COL27A1: variants seen among roughly 807,000 people sequenced by gnomAD.
The protein encoded by COL27A1 is collagen alpha-1(XXVII) chain.
Under a neutral mutation model 251.3 loss-of-function variants are expected in COL27A1, and 106 were observed. The observed-to-expected ratio is 0.42, with a 90% CI of 0.36 to 0.50. The LOEUF is 0.50. Ranked by LOEUF, COL27A1 falls within the 20% of genes least tolerant of loss-of-function variation. COL27A1 has a pLI of 0.00. For synonymous variants in COL27A1, 1,000 were observed against 986.3 expected (o/e 1.01, Z -0.26); for missense variants, 2,325 against 2,522.8 (o/e 0.92, Z 1.68).
chr9:114,203,334 A>G (rs1325541116), intron 7 of COL27A1, among the ~76,000 whole-genome samples: 1 of 152,190 alleles, frequency 6.6e-6, no homozygotes, highest in East Asian at 1.9e-4. Flanking sequence ...TCCAATGCCA[A>G]ATACTGCGCT....
intron 24 of COL27A1, among the ~76,000 whole-genome samples, chr9:114,247,156 TA>T (rs1833196775): frequency 6.6e-6 from 1 of 152,228 alleles, no homozygotes; most frequent in African/African-American, 2.4e-5. Flanking sequence ...TAAAATATAA[TA>T]TATTCATATA....
intron 7 of COL27A1, among the ~76,000 whole-genome samples, chr9:114,197,281 C>G (rs1233778243): frequency 1.3e-5 from 2 of 152,116 alleles, no homozygotes; most frequent in African/African-American, 4.8e-5. Context: ...CTGTTCTTGC[C>G]TTGAGAGCCC....
intron 17 of COL27A1, 56 bp from the exon 18 acceptor site, chr9:114,236,925 T>G (rs1588727765): frequency 6.4e-7 from 1 of 1,560,808 alleles, no homozygotes; most frequent in Non-Finnish European, 8.8e-7. Flanking sequence ...TGGGCGGCTG[T>G]TCACCTGGCC....
intron 17 of COL27A1, among the ~76,000 whole-genome samples, chr9:114,235,856 G>A (rs1485920518): frequency 2.0e-5 from 3 of 151,856 alleles, no homozygotes; most frequent in African/African-American, 7.3e-5. Flanking sequence ...CTTATTTCTG[G>A]GCCCCAGCCT....
intron 7 of COL27A1, among the ~76,000 whole-genome samples, chr9:114,199,627 C>T (rs1353382128): frequency 6.6e-6 from 1 of 152,198 alleles, no homozygotes; most frequent in Non-Finnish European, 1.5e-5. Context: ...TTCAAGAACG[C>T]TCCCCAGCAC....
intron 53 of COL27A1, 45 bp downstream of exon 53, chr9:114,301,364 G>C (rs201404226): frequency 1.1e-5 from 18 of 1,612,226 alleles, no homozygotes; most frequent in South Asian, 3.3e-5. Flanking sequence ...CTGCAGGGGC[G>C]GGGGAGGGGT....
Position 114,290,140 on chromosome 9 carries a change from C to A in COL27A1, c.4260+29C>A. ...AGTGACTACAGCTGCTGTTTCCAGC[C>A]AACCTCCCTGCCCGCCCCCCACACC... is the stretch of plus-strand genomic sequence containing the variant. On this transcript the variant is annotated intron_variant, in intron 46 of 60. Transcript: ENST00000356083. This position sits in a 1 kb window ranked among gnomAD's most constrained non-coding sequence, Gnocchi z 4.6. 6.2e-7 allele frequency: 1 copy of A among 1,610,500 alleles called. No individual in the cohort carries two copies. Among genetic ancestry groups the A allele is most frequent in the South Asian group, 1.1e-5 (1 of 90,932 alleles).
chr9:114,309,785 G>A (rs554310801), intron 60 of COL27A1, among the ~76,000 whole-genome samples: 1 of 152,156 alleles, frequency 6.6e-6, no homozygotes, highest in Non-Finnish European at 1.5e-5. Context: ...TCCCACCCTA[G>A]TCAGGCTAAT....
At chr9:114,246,028 G>A in intron 24 of COL27A1, 118 bp downstream of exon 24, 1 of 880,636 alleles carries the variant, frequency 1.1e-6, no homozygotes, top group Non-Finnish European at 1.8e-6. Flanking sequence ...AACAACTCCA[G>A]AGGTAGGTTC....
At chr9:114,236,611 C>A (rs748631392) in intron 17 of COL27A1, among the ~76,000 whole-genome samples, 1 of 152,168 alleles carries the variant, frequency 6.6e-6, no homozygotes, top group African/African-American at 2.4e-5. Flanking sequence ...GCTGGCCTGT[C>A]CTGACCCAGC....
chr9:114,301,387 T>G (rs1020311920), intron 53 of COL27A1, 58 bp from the exon 54 acceptor site: 2 of 1,612,018 alleles, frequency 1.2e-6, no homozygotes, highest in Non-Finnish European at 1.7e-6. Context: ...GCTCCCAGAG[T>G]TGGGCCATGG....
At chr9:114,232,169 G>A (rs1277594917) in intron 16 of COL27A1, among the ~76,000 whole-genome samples, 5 of 152,172 alleles carry the variant, frequency 3.3e-5, no homozygotes, top group Non-Finnish European at 5.9e-5. Context: ...CCAGCATCTG[G>A]GATTTGAAGG....
chr9:114,216,832 T>A (rs1830742854), intron 12 of COL27A1, among the ~76,000 whole-genome samples: 1 of 152,002 alleles, frequency 6.6e-6, no homozygotes, highest in Non-Finnish European at 1.5e-5. Flanking sequence ...GCAGAACCAG[T>A]CCTCAGCATC....
chr9:114,283,823 C>T, intron 40 of COL27A1, 61 bp downstream of exon 40: 1 of 1,545,458 alleles, frequency 6.5e-7, no homozygotes, highest in Admixed American at 1.7e-5. Context: ...GAAACACAGG[C>T]CCATGCCAGC....
chr9:114,231,119 C>G lies in COL27A1; in HGVS notation c.2507C>G (p.Pro836Arg). The G allele has an allele frequency of 6.2e-7, 1 of 1,613,462 alleles. No individual in the cohort carries two copies. ...TTGGGTCCGATTGGCTACCCGGGAC[C>G]CAAGGGCATGAAGGTAAGCAAGGGA... is the stretch of plus-strand genomic sequence containing the variant. ...GVLGPIGYPG[P>R]KGMKGLMGSV... Residue 836 changes from proline to arginine, a missense_variant, in exon 15 of 61, where the codon CCC becomes CGC. Pro to Arg is a moderately radical substitution (Grantham distance 103, BLOSUM62 -2). Around this residue, in one of 4 missense-constraint regions of COL27A1, gnomAD observed 1,183 missense variants for 1,144.1 expected, o/e 1.03. Transcript: ENST00000356083.
rs1829489767 is a variant in COL27A1, at chr9:114,312,186, T to C, written c.*1491T>C. ...TTTGTGTATTTCTCTCCTAAAGTTG[T>C]GTCTCTTTGGGAATTGGATTTGATT... On this transcript the variant is annotated 3_prime_UTR_variant, in exon 61 of 61. Transcript: ENST00000356083. 6.6e-6 allele frequency: 1 copy of C among 152,206 alleles called. No homozygotes were observed. The highest frequency in any genetic ancestry group is 2.4e-5 in the African/African-American group (1 of 41,454). 9.4% of individuals were successfully genotyped at this position (152,206 alleles called of 1,614,324 possible).
At chr9:114,171,863 C>T (rs754245771) in intron 3 of COL27A1, among the ~76,000 whole-genome samples, 1 of 152,140 alleles carries the variant, frequency 6.6e-6, no homozygotes. Context: ...TTGAGGAGGG[C>T]AGGCTGTGTG....
At chr9:114,277,201 G>A (rs1392888089) in intron 37 of COL27A1, among the ~76,000 whole-genome samples, 3 of 152,080 alleles carry the variant, frequency 2.0e-5, no homozygotes, top group African/African-American at 4.8e-5. Context: ...GTTGAGCAGG[G>A]TTTGTGTGAC....
intron 6 of COL27A1, among the ~76,000 whole-genome samples, chr9:114,194,913 C>T (rs1829006442): frequency 1.3e-5 from 2 of 152,206 alleles, no homozygotes; most frequent in East Asian, 3.8e-4. Flanking sequence ...AGATTCAGGG[C>T]TCCCTAACTC....
Sources: gnomAD v4.1 joint callset for allele counts (sites outside exome capture counted in the v4.1 genomes callset) on GRCh38, gnomAD v4.1.1 for gene constraint, gnomAD v4.1.1 regional missense constraint, Gnocchi (gnomAD v3.1) non-coding constraint, MANE v1.5 for transcripts, NCBI Gene and HGNC (gene_info 2026-07-23, HGNC 2026-07-21) for gene names.